The following PPP1R9A variants were observed in gnomAD, a reference collection of about 807,000 sequenced individuals.
The protein encoded by PPP1R9A is neurabin-1.
A neutral mutation model predicts 141.9 loss-of-function variants in PPP1R9A; 59 were observed. The observed-to-expected ratio is 0.42, with a 90% CI of 0.34 to 0.52. The LOEUF (loss-of-function observed/expected upper bound fraction) is 0.52, where lower values mean the gene tolerates loss of function less well. PPP1R9A is among the 20% of genes least tolerant of loss of function. The pLI is 0.10. For synonymous variants in PPP1R9A, 500 were observed against 569.7 expected, an observed-to-expected ratio of 0.88 and a Z score of 1.74; for missense variants, 1,444 against 1,611.9, an observed-to-expected ratio of 0.90 and a Z score of 1.78.
At chr7:94,951,224 TG>T (rs551653045) in intron 2 of PPP1R9A, among the ~76,000 whole-genome samples, 119 of 152,248 alleles carry the variant, frequency 7.8e-4, no homozygotes, top group African/African-American at 2.8e-3. Flanking sequence ...CTTATACTTT[TG>T]TTTTTTTTCT....
At chr7:95,027,213 A>G (rs570845881) in intron 2 of PPP1R9A, among the ~76,000 whole-genome samples, 1 of 152,278 alleles carries the variant, frequency 6.6e-6, no homozygotes, top group East Asian at 1.9e-4. Flanking sequence ...CCCTGGTGGC[A>G]TAGGCACTGG....
intron 2 of PPP1R9A, among the ~76,000 whole-genome samples, chr7:94,963,324 C>G (rs1220437168): frequency 6.6e-6 from 1 of 151,990 alleles, no homozygotes; most frequent in Non-Finnish European, 1.5e-5. Context: ...ATGGATAACT[C>G]AATTTTAAAG....
intron 4 of PPP1R9A, among the ~76,000 whole-genome samples, chr7:95,126,653 G>C (rs930173288): frequency 7.2e-5 from 11 of 152,108 alleles, no homozygotes; most frequent in African/African-American, 2.7e-4. Flanking sequence ...GTCTGGGATG[G>C]TCTGATACAG....
In PPP1R9A at chr7:95,053,164, G is replaced by C. The variant is rs560367913; in HGVS notation, c.1396-58095G>C. Reference sequence around the variant, plus strand: ...AAGTTTCATTAAAATGTTGTTCACAGTTAGGGTCTCTCTGTGTTGAGATGG... The same window carrying C: ...AAGTTTCATTAAAATGTTGTTCACACTTAGGGTCTCTCTGTGTTGAGATGG... On this transcript the variant is annotated intron_variant, in intron 2 of 19. Coordinates refer to ENST00000433360, the MANE Select transcript of PPP1R9A (RefSeq NM_001166160.2). Among the ~76,000 whole-genome samples the C allele has an allele frequency of 1.8e-4, 27 of 152,300 alleles. 1 individual carries two copies. Among genetic ancestry groups the C allele is most frequent in the Admixed American group, 6.5e-4 (10 of 15,300 alleles).
intron 4 of PPP1R9A, among the ~76,000 whole-genome samples, chr7:95,149,047 C>A (rs1828169134): frequency 6.6e-6 from 1 of 151,588 alleles, no homozygotes; most frequent in African/African-American, 2.4e-5. Context: ...GAATTATATA[C>A]AGAGACCAGG....
chr7:95,272,285 T>C (rs1802329550), intron 14 of PPP1R9A, among the ~76,000 whole-genome samples: 3 of 152,240 alleles, frequency 2.0e-5, no homozygotes, highest in African/African-American at 7.2e-5. Flanking sequence ...AGGATTGATC[T>C]GGAAGAATTT....
At chr7:95,082,051 G>A (rs1026711798) in intron 2 of PPP1R9A, among the ~76,000 whole-genome samples, 1 of 152,154 alleles carries the variant, frequency 6.6e-6, no homozygotes, top group Non-Finnish European at 1.5e-5. Context: ...TGTGGTGATT[G>A]TCTGGATAAC....
chr7:94,946,068 A>G (rs1795861838), intron 2 of PPP1R9A, among the ~76,000 whole-genome samples: 1 of 152,156 alleles, frequency 6.6e-6, no homozygotes, highest in Non-Finnish European at 1.5e-5. Context: ...AAGTACTTAG[A>G]TAAAACACTA....
chr7:95,069,048 A>G (rs977995316), intron 2 of PPP1R9A, among the ~76,000 whole-genome samples: 3 of 152,190 alleles, frequency 2.0e-5, no homozygotes, highest in African/African-American at 7.2e-5. Flanking sequence ...GATTACTTAT[A>G]ATACCTAATG....
rs1366107332 is a variant in PPP1R9A, at chr7:94,919,525, A to G, written c.1395+8017A>G. Among the ~76,000 whole-genome samples the G allele has an allele frequency of 3.3e-5, 5 of 151,922 alleles. No individual in the cohort carries two copies. In the East Asian group the frequency reaches 9.6e-4, roughly 29 times the overall value. ...ATTGGTCTTTTTATAGCGTGAAGGA[A>G]TCCTGTTCCTTTTCTAATAATCTGA... On this transcript the variant is annotated intron_variant, in intron 2 of 19. Coordinates refer to ENST00000433360, the MANE Select transcript of PPP1R9A (RefSeq NM_001166160.2).
chr7:95,254,003 G>A (rs1375296326), intron 12 of PPP1R9A, among the ~76,000 whole-genome samples: 1 of 151,874 alleles, frequency 6.6e-6, no homozygotes, highest in Non-Finnish European at 1.5e-5. Flanking sequence ...TATGACTACA[G>A]AAGATCAACA....
At chr7:95,216,853 T>G (rs1793523573) in intron 7 of PPP1R9A, among the ~76,000 whole-genome samples, 1 of 152,230 alleles carries the variant, frequency 6.6e-6, no homozygotes, top group South Asian at 2.1e-4. Context: ...TTTATCAGCT[T>G]AAGGAGATTT....
intron 2 of PPP1R9A, among the ~76,000 whole-genome samples, chr7:94,929,818 A>T (rs1793940358): frequency 6.6e-6 from 1 of 152,204 alleles, no homozygotes; most frequent in Non-Finnish European, 1.5e-5. Context: ...GTTTGTCAGA[A>T]TGGAGGCTGA....
At chr7:95,217,109 A>G (rs2152930771) in intron 7 of PPP1R9A, among the ~76,000 whole-genome samples, 1 of 152,300 alleles carries the variant, frequency 6.6e-6, no homozygotes, top group South Asian at 2.1e-4. Context: ...TGGGTTTGTC[A>G]TAAATAGCTC....
chr7:94,995,276 T>A (rs1399261144), intron 2 of PPP1R9A, among the ~76,000 whole-genome samples: 1 of 152,120 alleles, frequency 6.6e-6, no homozygotes, highest in African/African-American at 2.4e-5. Context: ...TGATATGCCT[T>A]GGTGCCTTTT....
intron 2 of PPP1R9A, among the ~76,000 whole-genome samples, chr7:95,013,656 C>T (rs943347930): frequency 3.9e-5 from 6 of 151,988 alleles, no homozygotes; most frequent in African/African-American, 7.2e-5. Context: ...ATACTTTTTT[C>T]GTTCATTTGG....
chr7:95,261,280 T>A (rs1476139457), intron 12 of PPP1R9A, among the ~76,000 whole-genome samples: 4 of 152,194 alleles, frequency 2.6e-5, no homozygotes, highest in African/African-American at 9.7e-5. Flanking sequence ...ACCAGAAAAT[T>A]CTGCTCTGTG....
intron 14 of PPP1R9A, among the ~76,000 whole-genome samples, chr7:95,273,449 C>T (rs187393887): frequency 6.6e-6 from 1 of 152,148 alleles, no homozygotes; most frequent in Admixed American, 6.5e-5. Context: ...AGGTGATATT[C>T]TGCGCTGGGC....
At chr7:95,250,387 C>A in intron 10 of PPP1R9A, 132 bp downstream of exon 10, 1 of 763,898 alleles carries the variant, frequency 1.3e-6, no homozygotes, top group Non-Finnish European at 2.0e-6. Flanking sequence ...AGCATAGTTA[C>A]AGCATAAATA....
Sources: allele counts gnomAD v4.1 joint callset (sites outside exome capture counted in the v4.1 genomes callset), GRCh38; gene constraint gnomAD v4.1.1; transcripts MANE v1.5; gene names NCBI Gene and HGNC (gene_info 2026-07-23, HGNC 2026-07-21).